IQGAP2: variants seen among roughly 807,000 people sequenced by gnomAD.
IQGAP2 encodes ras GTPase-activating-like protein IQGAP2.
A neutral mutation model predicts 201.3 loss-of-function variants in IQGAP2; 173 were observed. The ratio of observed to expected loss-of-function variants is 0.86; its 90% confidence interval spans 0.76 to 0.98. The LOEUF (loss-of-function observed/expected upper bound fraction) is 0.98, where lower values mean the gene tolerates loss of function less well. Ranked by LOEUF, IQGAP2 falls within the 50% of genes least tolerant of loss-of-function variation. The probability of loss-of-function intolerance (pLI) is 0.00; values close to 1 mark genes in which losing one functional copy is unlikely to be tolerated. For missense variants in IQGAP2, 1,687 were observed against 1,864.8 expected, an observed-to-expected ratio of 0.90 and a Z score of 1.76; for synonymous variants, 675 against 673.9, an observed-to-expected ratio of 1.00 and a Z score of -0.03.
intron 9 of IQGAP2, 132 bp from the exon 10 acceptor site, chr5:76,597,307 C>A: frequency 1.2e-6 from 1 of 816,584 alleles, no homozygotes; most frequent in Non-Finnish European, 1.9e-6. Context: ...CTTACCTACC[C>A]TCTGCCTGCA....
chr5:76,696,830 A>C (rs1746792295), intron 32 of IQGAP2, among the ~76,000 whole-genome samples: 1 of 152,180 alleles, frequency 6.6e-6, no homozygotes, highest in South Asian at 2.1e-4. Flanking sequence ...TATTTAATGA[A>C]TATTCTATTA....
At position 76,519,024 on chromosome 5, in the gene IQGAP2, C is replaced by T. The variant is rs145465656; in HGVS notation, c.147-43372C>T. Among the ~76,000 whole-genome samples the T allele has an allele frequency of 2.2e-3, 335 of 152,224 alleles. 4 individuals are homozygous for T. Among genetic ancestry groups the T allele is most frequent in the South Asian group, 0.014 (66 of 4,818 alleles). On this transcript the variant is annotated intron_variant, in intron 2 of 35. Coordinates refer to ENST00000274364, the MANE Select transcript of IQGAP2 (RefSeq NM_006633.5). ...ACAATGAGTCTACCATCCTAACAAA[C>T]CCAACACAGATATGTTTCAAATCTT...
At chr5:76,536,826 T>C (rs989802631) in intron 2 of IQGAP2, among the ~76,000 whole-genome samples, 1 of 152,176 alleles carries the variant, frequency 6.6e-6, no homozygotes, top group Admixed American at 6.5e-5. Flanking sequence ...TCCACTTATT[T>C]TTTACCTGTG....
At chr5:76,458,900 C>T (rs2150123518) in intron 1 of IQGAP2, among the ~76,000 whole-genome samples, 2 of 152,198 alleles carry the variant, frequency 1.3e-5, no homozygotes, top group East Asian at 3.9e-4. Context: ...TTTTACAGAG[C>T]ATGCAGCCTG....
intron 14 of IQGAP2, among the ~76,000 whole-genome samples, chr5:76,628,286 A>G (rs1750420020): frequency 6.6e-6 from 1 of 152,140 alleles, no homozygotes; most frequent in African/African-American, 2.4e-5. Flanking sequence ...CCAAAACATA[A>G]CTGTGGTCCA....
chr5:76,440,913 C>G (rs1752989173), intron 1 of IQGAP2, among the ~76,000 whole-genome samples: 1 of 152,112 alleles, frequency 6.6e-6, no homozygotes, highest in South Asian at 2.1e-4. Context: ...TGCCTGTGAT[C>G]CCTGCTACTC....
chr5:76,504,544 A>G (rs1444387434), intron 2 of IQGAP2, among the ~76,000 whole-genome samples: 1 of 152,146 alleles, frequency 6.6e-6, no homozygotes, highest in Non-Finnish European at 1.5e-5. Context: ...CCAAATGTGT[A>G]GCTCCAGCCC....
At chr5:76,679,709 G>A (rs1023820329) in intron 28 of IQGAP2, among the ~76,000 whole-genome samples, 1 of 152,142 alleles carries the variant, frequency 6.6e-6, no homozygotes, top group Non-Finnish European at 1.5e-5. Context: ...TGCATATTTT[G>A]TTCTTGTCTC....
chr5:76,510,950 G>A (rs1018036958), intron 2 of IQGAP2, among the ~76,000 whole-genome samples: 1 of 152,220 alleles, frequency 6.6e-6, no homozygotes, highest in Non-Finnish European at 1.5e-5. Flanking sequence ...AACAGTGTGG[G>A]AGCCTCAGTT....
intron 2 of IQGAP2, chr5:76,510,606 C>T (rs1675120155): frequency 2.8e-5 from 14 of 508,040 alleles, no homozygotes; most frequent in South Asian, 2.1e-4. Flanking sequence ...CCATCGATGT[C>T]CTCTAGATCA....
intron 1 of IQGAP2, among the ~76,000 whole-genome samples, chr5:76,447,346 G>A (rs943717195): frequency 6.6e-6 from 1 of 152,144 alleles, no homozygotes; most frequent in Non-Finnish European, 1.5e-5. Flanking sequence ...ATCATCTATC[G>A]CCTGAGAGCA....
rs562581656 is a variant in IQGAP2, at chr5:76,632,854, A to G, written c.1780+828A>G. 2.0e-5 allele frequency among the ~76,000 whole-genome samples: 3 copies of G among 152,132 alleles called. No homozygotes were observed. The East Asian group carries it at 5.8e-4, about 29-fold the overall frequency. On this transcript the variant is annotated intron_variant, in intron 15 of 35. Coordinates refer to ENST00000274364, the MANE Select transcript of IQGAP2 (RefSeq NM_006633.5). Reference sequence around the variant, plus strand: ...TTTTAGTCCAACTTGATGTTTGTCTAGTAGTACTCTATGTACTTGTTTTCA... The same window carrying G: ...TTTTAGTCCAACTTGATGTTTGTCTGGTAGTACTCTATGTACTTGTTTTCA...
At chr5:76,448,955 G>C (rs928720578) in intron 1 of IQGAP2, among the ~76,000 whole-genome samples, 1 of 152,146 alleles carries the variant, frequency 6.6e-6, no homozygotes, top group Admixed American at 6.5e-5. Flanking sequence ...CATCTGCCCA[G>C]CTTCTTGATT....
chr5:76,475,261 C>A (rs1755349101), intron 2 of IQGAP2, among the ~76,000 whole-genome samples: 1 of 152,140 alleles, frequency 6.6e-6, no homozygotes. Flanking sequence ...GATAGAAAGC[C>A]TGAGTAGTTT....
intron 1 of IQGAP2, among the ~76,000 whole-genome samples, chr5:76,425,954 C>A (rs1751970249): frequency 6.6e-6 from 1 of 152,166 alleles, no homozygotes; most frequent in African/African-American, 2.4e-5. Flanking sequence ...GTACTAACTT[C>A]ATGGATCAGT....
At chr5:76,575,016 T>G (rs1745372384) in intron 4 of IQGAP2, among the ~76,000 whole-genome samples, 1 of 152,170 alleles carries the variant, frequency 6.6e-6, no homozygotes, top group Non-Finnish European at 1.5e-5. Context: ...CAGGTTACAC[T>G]AAGTACAATT....
intron 11 of IQGAP2, 84 bp from the exon 12 acceptor site, chr5:76,606,091 ATGTT>A: frequency 1.7e-6 from 2 of 1,174,936 alleles, no homozygotes; most frequent in Non-Finnish European, 2.4e-6. Context: ...CATAACAACT[ATGTT>A]TGACCATGTG....
intron 9 of IQGAP2, 75 bp from the exon 10 acceptor site, chr5:76,597,364 G>A (rs1747105435): frequency 6.8e-7 from 1 of 1,474,864 alleles, no homozygotes; most frequent in Non-Finnish European, 9.4e-7. Flanking sequence ...CAAATCCTTG[G>A]GAAGAAGGGC....
At chr5:76,623,062 G>T in intron 13 of IQGAP2, 2 of 977,592 alleles carry the variant, frequency 2.0e-6, no homozygotes, top group Non-Finnish European at 3.2e-6. Flanking sequence ...AACTGCCTTT[G>T]GGGTTTACAG....
Sources: allele counts gnomAD v4.1 joint callset (sites outside exome capture counted in the v4.1 genomes callset), GRCh38; gene constraint gnomAD v4.1.1; transcripts MANE v1.5; gene names NCBI Gene and HGNC (gene_info 2026-07-23, HGNC 2026-07-21).